LIMCH1: variants seen among roughly 807,000 people sequenced by gnomAD.
LIMCH1 encodes LIM and calponin homology domains 1, also known as LIM and calponin homology domains-containing protein 1.
LIMCH1 carries 113 observed loss-of-function variants against 176.5 expected under a neutral mutation model. The ratio of observed to expected loss-of-function variants is 0.64; its 90% CI spans 0.55 to 0.75. LIMCH1 has a LOEUF of 0.75. LIMCH1 is among the 30% of genes least tolerant of loss of function. The pLI is 0.00. For synonymous variants in LIMCH1, 619 were observed against 645.9 expected (o/e 0.96, Z 0.63); for missense variants, 1,674 against 1,814.9 (o/e 0.92, Z 1.41).
chr4:41,412,378 A>G (rs1333797096), intron 1 of LIMCH1, among the ~76,000 whole-genome samples: 1 of 152,200 alleles, frequency 6.6e-6, no homozygotes, highest in Non-Finnish European at 1.5e-5. Context: ...TGCATATCTC[A>G]ATCTGCATTT....
chr4:41,425,119 T>A (rs2060951923), intron 1 of LIMCH1, among the ~76,000 whole-genome samples: 1 of 152,206 alleles, frequency 6.6e-6, no homozygotes, highest in East Asian at 1.9e-4. Flanking sequence ...AATTGGTTCT[T>A]AAACTAAGAA....
At chr4:41,461,931 T>C (rs772681372) in intron 1 of LIMCH1, among the ~76,000 whole-genome samples, 9 of 152,246 alleles carry the variant, frequency 5.9e-5, no homozygotes, top group African/African-American at 1.2e-4. Context: ...TCACCCATGA[T>C]TGATTGTTCT....
intron 1 of LIMCH1, among the ~76,000 whole-genome samples, chr4:41,362,260 C>G (rs2052221731): frequency 1.3e-5 from 2 of 152,218 alleles, no homozygotes; most frequent in Admixed American, 6.5e-5. Context: ...GAACAATGAA[C>G]ATCAGGGCTG....
intron 31 of LIMCH1, among the ~76,000 whole-genome samples, chr4:41,693,932 G>C (rs1053594292): frequency 2.6e-5 from 4 of 152,180 alleles, no homozygotes; most frequent in African/African-American, 9.7e-5. Flanking sequence ...CTGGGTGACA[G>C]TGACCTCTTT....
chr4:41,360,987 G>A lies in LIMCH1; in HGVS notation c.96+51G>A. On this transcript the variant is annotated intron_variant, in intron 1 of 26. Coordinates refer to the LIMCH1 transcript ENST00000313860. This position sits in a 1 kb window ranked among gnomAD's most constrained non-coding sequence, Gnocchi z 4.5. ...CCTTGCACTGGCGCCCTGAGCCACG[G>A]ACCCGCGCACGCTCCGACCGCAGGT... is the stretch of plus-strand genomic sequence containing the variant. The A allele has an allele frequency of 7.2e-7, 1 of 1,379,706 alleles. No homozygotes were observed. The highest frequency in any genetic ancestry group is 9.9e-7 in the Non-Finnish European group (1 of 1,015,052). The allele number at this position is 1,379,706 out of a possible 1,614,324, so 85.5% of individuals were successfully genotyped here. A position where few individuals can be genotyped will look rare whatever the true frequency, so the allele number is the denominator to read the frequency against.
At chr4:41,607,997 C>G (rs1036282162) in intron 4 of LIMCH1, among the ~76,000 whole-genome samples, 6 of 152,164 alleles carry the variant, frequency 3.9e-5, no homozygotes, top group African/African-American at 1.4e-4. Context: ...CTGGGAAACA[C>G]AAAAGCCTCA....
intron 3 of LIMCH1, 101 bp from the exon 4 acceptor site, chr4:41,605,793 C>A: frequency 1.5e-6 from 1 of 658,328 alleles, no homozygotes; most frequent in South Asian, 1.7e-5. Context: ...TGTAAATCAG[C>A]TCTTTCCTTC....
upstream of LIMCH1, among the ~76,000 whole-genome samples, chr4:41,537,421 A>G (rs767874649): frequency 5.9e-5 from 9 of 152,252 alleles, no homozygotes; most frequent in Non-Finnish European, 1.2e-4. Flanking sequence ...TAGCATGAAC[A>G]GCCATAACCA....
At chr4:41,472,482 C>T (rs1412172853) in intron 1 of LIMCH1, among the ~76,000 whole-genome samples, 12 of 152,038 alleles carry the variant, frequency 7.9e-5, no homozygotes, top group African/African-American at 2.7e-4. Flanking sequence ...TGCAGTGGTG[C>T]CATCACGGCT....
At chr4:41,466,894 C>T (rs1324758195) in intron 1 of LIMCH1, among the ~76,000 whole-genome samples, 4 of 152,038 alleles carry the variant, frequency 2.6e-5, no homozygotes, top group Admixed American at 6.5e-5. Flanking sequence ...CTTGTAAAAC[C>T]GAAACTCTGT....
At chr4:41,426,810 A>G (rs2061151976) in intron 1 of LIMCH1, among the ~76,000 whole-genome samples, 1 of 152,254 alleles carries the variant, frequency 6.6e-6, no homozygotes, top group Non-Finnish European at 1.5e-5. Flanking sequence ...CTAGGCTCTC[A>G]TGTTTACAGT....
intron 1 of LIMCH1, among the ~76,000 whole-genome samples, chr4:41,574,241 TCCC>T (rs2084043497): frequency 2.4e-4 from 1 of 4,116 alleles, no homozygotes; most frequent in Non-Finnish European, 4.0e-4. Flanking sequence ...TCCCCTCCCC[TCCC>T]CTCCCCTCCC....
intron 1 of LIMCH1, among the ~76,000 whole-genome samples, chr4:41,486,115 G>A (rs1349042431): frequency 6.6e-6 from 1 of 152,158 alleles, no homozygotes; most frequent in African/African-American, 2.4e-5. Context: ...AGGATTTGGG[G>A]GACTGATGAA....
chr4:41,419,160 TTTATTTCATTTTATTTTATTTAATTTTA>T (rs1357867679), intron 1 of LIMCH1, among the ~76,000 whole-genome samples: 25 of 105,650 alleles, frequency 2.4e-4, no homozygotes, highest in Middle Eastern at 4.9e-3. Context: ...TTTATTTTAT[TTTATTTCATTTTATTTTATTTAATTTTA>T]TTATTTTGAG....
Position 41,631,393 on chromosome 4 carries a change from T to G in LIMCH1, c.1517T>G (p.Ile506Ser). The G allele has an allele frequency of 6.5e-7, 1 of 1,536,242 alleles. No homozygotes were observed. The highest frequency in any genetic ancestry group is 8.7e-7 in the Non-Finnish European group (1 of 1,146,926). The change falls in exon 10 of 32, where the codon ATT becomes AGT. Residue 506 changes from isoleucine to serine, a missense_variant. By Grantham distance (142) the Ile-to-Ser change is moderately radical (BLOSUM62 -2). Around this residue, in one of 3 missense-constraint regions of LIMCH1, gnomAD observed 655 missense variants for 692.2 expected, o/e 0.95. Transcript: ENST00000503057. ...GAAGTCATCTGTCATGGCAGCAAGATTCAAATGGACTCTGTGTCTCCTGTC... is the reference window on the plus strand; with the variant it reads ...GAAGTCATCTGTCATGGCAGCAAGAGTCAAATGGACTCTGTGTCTCCTGTC... ...EEEVICHGSK[I>S]QMDSVSPVSA...
At chr4:41,524,558 G>C (rs1583481382) in intron 3 of LIMCH1, 1 of 986,694 alleles carries the variant, frequency 1.0e-6, no homozygotes, top group Non-Finnish European at 1.6e-6. Context: ...ATTTATTACA[G>C]TTCTCTCCTG....
At chr4:41,672,344 T>G (rs1316974637) in intron 22 of LIMCH1, among the ~76,000 whole-genome samples, 1 of 152,126 alleles carries the variant, frequency 6.6e-6, no homozygotes, top group Non-Finnish European at 1.5e-5. Flanking sequence ...CACTGCAGCC[T>G]GGGTGACAGA....
intron 23 of LIMCH1, among the ~76,000 whole-genome samples, chr4:41,678,579 C>A (rs143626795): frequency 1.8e-4 from 27 of 152,276 alleles, no homozygotes; most frequent in African/African-American, 6.3e-4. Context: ...CACTGTGGTG[C>A]TCTATTACAT....
rs1210203812 is a variant in LIMCH1, at chr4:41,685,809, A to C, written c.4067A>C (p.Glu1356Ala). 4 of 1,613,286 alleles carry C rather than the reference A, an allele frequency of 2.5e-6. No individual in the cohort carries two copies. The highest frequency in any genetic ancestry group is 3.4e-6 in the Non-Finnish European group (4 of 1,179,536). The part of the protein sequence containing the change: ...PLDKSINHQI[E>A]SPSERRKKSP... ...GATAAAAGCATTAACCATCAGATCG[A>C]GTCTCCCAGTGAAAGGCGGAAGTGA... Residue 1356 changes from glutamate to alanine, a missense_variant, in exon 28 of 32, where the codon GAG (glutamate) becomes GCG (alanine). Physicochemically the swap from Glu to Ala is moderately radical, Grantham distance 107. This residue lies in a region of LIMCH1 where 1,015 missense variants were observed against 1,102.5 expected (regional missense o/e 0.92). Transcript: ENST00000503057.
Sources: gnomAD v4.1 joint callset for allele counts (sites outside exome capture counted in the v4.1 genomes callset) on GRCh38, gnomAD v4.1.1 for gene constraint, gnomAD v4.1.1 regional missense constraint, Gnocchi (gnomAD v3.1) non-coding constraint, MANE v1.5 for transcripts, NCBI Gene and HGNC (gene_info 2026-07-23, HGNC 2026-07-21) for gene names.